Variants in ALKAL1 observed in about 807,000 individuals in gnomAD.
ALKAL1 encodes the protein AUG-beta.
ALKAL1 carries 23 observed loss-of-function variants against 13.5 expected under a neutral mutation model. The ratio of observed to expected loss-of-function variants is 1.70; its 90% CI spans 1.23 to 2.41. ALKAL1 has a LOEUF of 2.41. Among genes scored for constraint, ALKAL1 ranks in the 30% most tolerant of loss-of-function variants. The probability of loss-of-function intolerance (pLI) is 0.00; values close to 1 mark genes in which losing one functional copy is unlikely to be tolerated. For synonymous variants in ALKAL1, 85 were observed against 77.7 expected, an observed-to-expected ratio of 1.09 and a Z score of -0.49; for missense variants, 181 against 178.4, an observed-to-expected ratio of 1.01 and a Z score of -0.08.
At chr8:52,547,248 AAC>A (rs1847378855) in intron 1 of ALKAL1, among the ~76,000 whole-genome samples, 1 of 152,198 alleles carries the variant, frequency 6.6e-6, no homozygotes, top group Non-Finnish European at 1.5e-5. Flanking sequence ...CCATAATTCC[AAC>A]ACTTTGGGAG....
chr8:52,564,961 G>A, intron 1 of ALKAL1, 106 bp downstream of exon 1: 1 of 886,268 alleles, frequency 1.1e-6, no homozygotes, highest in Non-Finnish European at 1.5e-6. Context: ...GTTTTCTGCT[G>A]TACTAATCTC....
chr8:52,550,732 C>T (rs1198535856), intron 1 of ALKAL1, among the ~76,000 whole-genome samples: 1 of 152,150 alleles, frequency 6.6e-6, no homozygotes, highest in Non-Finnish European at 1.5e-5. Context: ...CATTCTTTGG[C>T]TTGTGGATGC....
chr8:52,556,646 CAAAAAAAAAAAAA>C (rs59483863), intron 1 of ALKAL1, among the ~76,000 whole-genome samples: 6 of 51,372 alleles, frequency 1.2e-4, no homozygotes, highest in Admixed American at 5.1e-4. Flanking sequence ...AACTCTGTCT[CAAAAAAAAAAAAA>C]AAAAAAAAAA....
chr8:52,565,274 A>AGAGAGCGGGAGACGAGAGCGGGAGAC lies in ALKAL1; in HGVS notation c.-19_-18insGTCTCCCGCTCTCGTCTCCCGCTCTC. The AGAGAGCGGGAGACGAGAGCGGGAGAC allele has an allele frequency of 1.5e-6, 2 of 1,300,360 alleles. No individual in the cohort carries two copies. The highest frequency in any genetic ancestry group is 2.0e-6 in the Non-Finnish European group (2 of 1,017,350). The allele number at this position is 1,300,360 out of a possible 1,614,324, so 80.6% of individuals were successfully genotyped here. A position where few individuals can be genotyped will look rare whatever the true frequency, so the allele number is the denominator to read the frequency against. On this transcript the variant is annotated 5_prime_UTR_variant, in exon 1 of 5. Coordinates refer to ENST00000358543, the MANE Select transcript of ALKAL1 (RefSeq NM_207413.4). ...GGCCGCATGTTCGCAAGCCGGGAGG[A>AGAGAGCGGGAGACGAGAGCGGGAGAC]GAGAGCGGGAGACTCCGGGAGGATC...
Position 52,534,452 on chromosome 8 carries a change from T to C in ALKAL1, c.*161A>G. ...ATAAAGCAAGAAAGACTCCATTCTA[T>C]GACAGGAAACAGCTAACCAGTTATT... is the stretch of plus-strand genomic sequence containing the variant. On this transcript the variant is annotated 3_prime_UTR_variant, in exon 5 of 5. Transcript: ENST00000358543. 1 of 431,504 alleles carries C rather than the reference T, an allele frequency of 2.3e-6. No homozygotes were observed. The highest frequency in any genetic ancestry group is 4.0e-6 in the Non-Finnish European group (1 of 247,292). The allele number at this position is 431,504 out of a possible 1,614,324, so 26.7% of individuals were successfully genotyped here.
rs59483863 is a variant in ALKAL1 at position 52,556,646 on chromosome 8, CA to C, written c.190+8420del. ...TGGGCGACAGAGCGAAACTCTGTCTCAAAAAAAAAAAAAAAAAAAAAAAAAA... is the reference window on the plus strand; with the variant it reads ...TGGGCGACAGAGCGAAACTCTGTCTCAAAAAAAAAAAAAAAAAAAAAAAAA... On this transcript the variant is annotated intron_variant, in intron 1 of 4. Transcript: ENST00000358543. Among the ~76,000 whole-genome samples, 324 of 51,332 alleles carry C rather than the reference CA, an allele frequency of 6.3e-3. 1 individual carries two copies. The highest frequency in any genetic ancestry group is 0.011 in the African/African-American group (120 of 11,144). 33.7% of individuals were successfully genotyped at this position (51,332 alleles called of 152,430 possible).
In ALKAL1 at chr8:52,534,391, T is replaced by C; in HGVS notation, c.*222A>G. 1 of 374,982 alleles carries C rather than the reference T, an allele frequency of 2.7e-6. No individual in the cohort carries two copies. The highest frequency in any genetic ancestry group is 4.7e-6 in the Non-Finnish European group (1 of 212,492). 23.2% of individuals were successfully genotyped at this position (374,982 alleles called of 1,614,324 possible). ...TTTTCAATATGCGATTCAAACTCTG[T>C]TTTACAAAATTATAAATTACTGTAT... On this transcript the variant is annotated 3_prime_UTR_variant, in exon 5 of 5. Coordinates refer to ENST00000358543, the MANE Select transcript of ALKAL1 (RefSeq NM_207413.4).
chr8:52,564,665 G>T (rs768610630), intron 1 of ALKAL1, among the ~76,000 whole-genome samples: 9 of 152,204 alleles, frequency 5.9e-5, no homozygotes, highest in Non-Finnish European at 1.3e-4. Flanking sequence ...GCACGGTCAG[G>T]TGTCTACGGA....
chr8:52,547,683 T>G (rs186893293), intron 1 of ALKAL1, among the ~76,000 whole-genome samples: 25 of 151,886 alleles, frequency 1.6e-4, no homozygotes, highest in Admixed American at 1.6e-3. Context: ...TAAAAAGAAA[T>G]GTGTGAATTA....
intron 4 of ALKAL1, 78 bp downstream of exon 4, chr8:52,538,353 A>G: frequency 1.2e-6 from 1 of 818,112 alleles, no homozygotes; most frequent in African/African-American, 1.7e-5. Flanking sequence ...TTATGTGTCA[A>G]CTAAAAAGAA....
At chr8:52,547,915 T>C (rs1847386884) in intron 1 of ALKAL1, among the ~76,000 whole-genome samples, 1 of 152,244 alleles carries the variant, frequency 6.6e-6, no homozygotes, top group Admixed American at 6.5e-5. Context: ...ACTAATGAGA[T>C]ACTTTACTTT....
chr8:52,549,943 A>G (rs1847413912), intron 1 of ALKAL1, among the ~76,000 whole-genome samples: 1 of 152,230 alleles, frequency 6.6e-6, no homozygotes, highest in Non-Finnish European at 1.5e-5. Context: ...CTCCATCTCA[A>G]AAATAAATAA....
chr8:52,536,332 A>AT (rs1437039176), intron 4 of ALKAL1, among the ~76,000 whole-genome samples: 1 of 152,240 alleles, frequency 6.6e-6, no homozygotes, highest in East Asian at 1.9e-4. Flanking sequence ...ACCCAAAAAA[A>AT]GTTGACTTGG....
chr8:52,558,147 C>T (rs549953898), intron 1 of ALKAL1, among the ~76,000 whole-genome samples: 2 of 149,432 alleles, frequency 1.3e-5, no homozygotes, highest in East Asian at 2.0e-4. Flanking sequence ...TATATATACA[C>T]GTATATATAC....
chr8:52,540,759 C>T (rs757783814), intron 2 of ALKAL1, among the ~76,000 whole-genome samples: 1 of 151,884 alleles, frequency 6.6e-6, no homozygotes, highest in African/African-American at 2.4e-5. Context: ...CATACAACAA[C>T]AACAACAAAA....
chr8:52,547,160 T>G (rs1847378045), intron 1 of ALKAL1, among the ~76,000 whole-genome samples: 1 of 152,184 alleles, frequency 6.6e-6, no homozygotes, highest in Non-Finnish European at 1.5e-5. Context: ...ATGCACGCAG[T>G]AGTTTTTGAT....
chr8:52,565,190 G>A lies in ALKAL1; in HGVS notation c.67C>T (p.His23Tyr). Residue 23 changes from histidine (H) to tyrosine (Y), a missense_variant, in exon 1 of 5, where the codon CAC (histidine) becomes TAC (tyrosine). Coordinates refer to ENST00000358543, the MANE Select transcript of ALKAL1 (RefSeq NM_207413.4). ...CCCCGGGGCCTCCCGTGGGCTCCGT[G>A]CGGGGACAAAGCCAGCGCCAGCAGG... ...LFLLALALSP[H>Y]GAHGRPRGRR... The A allele has an allele frequency of 7.3e-7, 1 of 1,363,776 alleles. No individual in the cohort carries two copies. The highest frequency in any genetic ancestry group is 9.5e-7 in the Non-Finnish European group (1 of 1,049,702). The allele number at this position is 1,363,776 out of a possible 1,614,324, so 84.5% of individuals were successfully genotyped here. A position where few individuals can be genotyped will look rare whatever the true frequency, so the allele number is the denominator to read the frequency against.
At chr8:52,553,248 T>C (rs902025414) in intron 1 of ALKAL1, among the ~76,000 whole-genome samples, 2 of 152,110 alleles carry the variant, frequency 1.3e-5, no homozygotes, top group Non-Finnish European at 2.9e-5. Context: ...TTTGGGAGGC[T>C]GAGGCAGAAG....
At chr8:52,543,043 T>C (rs957693896) in intron 1 of ALKAL1, among the ~76,000 whole-genome samples, 2 of 152,212 alleles carry the variant, frequency 1.3e-5, no homozygotes, top group Non-Finnish European at 2.9e-5. Flanking sequence ...CTATAAGTCA[T>C]GATCTCTCCC....
Sources: gnomAD v4.1 joint callset for allele counts (sites outside exome capture counted in the v4.1 genomes callset) on GRCh38, gnomAD v4.1.1 for gene constraint, MANE v1.5 for transcripts, NCBI Gene and HGNC (gene_info 2026-07-23, HGNC 2026-07-21) for gene names.